BPTF: variants seen among roughly 807,000 people sequenced by gnomAD.
BPTF encodes bromodomain PHD finger transcription factor.
In BPTF, 18 loss-of-function variants were observed where a neutral mutation model predicts 292.5. That is an observed-to-expected ratio of 0.06 (90% CI 0.04 to 0.09). The LOEUF (loss-of-function observed/expected upper bound fraction) is 0.09. BPTF is among the 10% of genes least tolerant of loss of function. BPTF has a pLI of 1.00. For missense variants in BPTF, 2,726 were observed against 3,498.7 expected (o/e 0.78, Z 5.57); for synonymous variants, 1,225 against 1,251.9 (o/e 0.98, Z 0.45).
In BPTF at chr17:67,897,994, A is replaced by T. The variant is rs1411018521; in HGVS notation, c.2543+3829A>T. Among the ~76,000 whole-genome samples, 4 of 147,220 alleles carry T rather than the reference A, an allele frequency of 2.7e-5. No individual in the cohort carries two copies. In the East Asian group the frequency reaches 5.8e-4, roughly 21 times the overall value. On this transcript the variant is annotated intron_variant, in intron 7 of 27. Coordinates refer to ENST00000306378, the MANE Select transcript of BPTF (RefSeq NM_182641.4). ...ATATATTCAGGAGTAAATTTAAAGA[A>T]TAAGAAACCATGGCTGAATTGGCTT...
chr17:67,948,576 C>A (rs1598850033), intron 23 of BPTF, among the ~76,000 whole-genome samples: 1 of 152,288 alleles, frequency 6.6e-6, no homozygotes, highest in East Asian at 1.9e-4. Context: ...CTGAGAAGAG[C>A]TTTTCATGTC....
Position 67,912,771 on chromosome 17 carries a change from T to C in BPTF, c.4887T>C (p.Thr1629=). 1 of 1,613,100 alleles carries C rather than the reference T, an allele frequency of 6.2e-7. No homozygotes were observed. The highest frequency in any genetic ancestry group is 8.5e-7 in the Non-Finnish European group (1 of 1,179,118). Residue 1629 remains threonine (T), a synonymous_variant, in exon 11 of 28, where the codon ACT becomes ACC. Transcript: ENST00000306378. ...NCAKSTVTTT[T]TTVTKLSTPS... is the part of the protein sequence containing the mutation. The stretch of plus-strand genomic sequence containing the variant: ...CAAAATCCACTGTCACAACCACCAC[T>C]ACAACAGTGACCAAGCTTTCCACAC...
At chr17:67,926,429 A>C (rs1402923091) in intron 15 of BPTF, among the ~76,000 whole-genome samples, 2 of 137,702 alleles carry the variant, frequency 1.5e-5, no homozygotes, top group African/African-American at 2.8e-5. Context: ...GGTTCACGCC[A>C]TTCTCCTGCC....
At chr17:67,909,436 T>A (rs1020535885) in intron 9 of BPTF, 146 bp from the exon 10 acceptor site, 2 of 594,500 alleles carry the variant, frequency 3.4e-6, no homozygotes, top group Admixed American at 7.5e-5. Flanking sequence ...TTATACTCAA[T>A]AAGACCTTTG....
intron 18 of BPTF, among the ~76,000 whole-genome samples, chr17:67,937,518 A>T (rs770630894): frequency 6.6e-6 from 1 of 152,204 alleles, no homozygotes; most frequent in South Asian, 2.1e-4. Context: ...CACTAACAAG[A>T]TGAAATTTGG....
intron 3 of BPTF, among the ~76,000 whole-genome samples, chr17:67,873,606 A>G (rs1383925671): frequency 6.6e-6 from 1 of 152,224 alleles, no homozygotes; most frequent in South Asian, 2.1e-4. Flanking sequence ...AAATAACTAG[A>G]TATGTTATAG....
chr17:67,927,548 A>C (rs985786932), intron 15 of BPTF, among the ~76,000 whole-genome samples: 1 of 152,192 alleles, frequency 6.6e-6, no homozygotes, highest in African/African-American at 2.4e-5. Context: ...TAATAGTGTC[A>C]TTAACTATTG....
At chr17:67,913,252 A>G (rs1234625022) in intron 11 of BPTF, 65 bp downstream of exon 11, 2 of 1,489,360 alleles carry the variant, frequency 1.3e-6, no homozygotes, top group Admixed American at 2.3e-5. Context: ...TCACAAGAAT[A>G]TCTCATTTTT....
Position 67,964,302 on chromosome 17 carries a change from T to C in BPTF, c.8352T>C (p.Tyr2784=). ...LQSEAELIDE[Y]VCPQCQSTED... is the part of the protein sequence containing the mutation. ...GTGAGGCAGAGCTCATTGATGAGTATGTCTGTCCACAGTGCCAGTCAACAG... is the reference window on the plus strand; with the variant it reads ...GTGAGGCAGAGCTCATTGATGAGTACGTCTGTCCACAGTGCCAGTCAACAG... Residue 2784 remains tyrosine, a synonymous_variant, in exon 25 of 28, where the codon TAT becomes TAC. Coordinates refer to ENST00000306378, the MANE Select transcript of BPTF (RefSeq NM_182641.4). 6.2e-7 allele frequency: 1 copy of C among 1,614,218 alleles called. No homozygotes were observed. The highest frequency in any genetic ancestry group is 1.3e-5 in the African/African-American group (1 of 75,038).
intron 4 of BPTF, among the ~76,000 whole-genome samples, chr17:67,880,986 T>A (rs895922487): frequency 1.3e-5 from 2 of 151,922 alleles, no homozygotes; most frequent in African/African-American, 4.8e-5. Context: ...CACACGTATA[T>A]ATATTACATA....
intron 2 of BPTF, among the ~76,000 whole-genome samples, chr17:67,856,430 T>G (rs762590101): frequency 3.3e-5 from 5 of 152,206 alleles, no homozygotes; most frequent in Non-Finnish European, 5.9e-5. Flanking sequence ...TTCTTCTAAG[T>G]TGCTTTTTCC....
intron 13 of BPTF, 136 bp downstream of exon 13, chr17:67,920,279 G>T: frequency 1.1e-6 from 1 of 950,994 alleles, no homozygotes; most frequent in South Asian, 1.6e-5. Context: ...TTTTGAAAAT[G>T]ATATTAAAGT....
At chr17:67,883,365 A>T (rs2060546548) in intron 4 of BPTF, among the ~76,000 whole-genome samples, 1 of 152,190 alleles carries the variant, frequency 6.6e-6, no homozygotes. Context: ...ACAACTTGAT[A>T]CACAGTTCAT....
At chr17:67,885,500 G>T (rs760539856) in intron 4 of BPTF, among the ~76,000 whole-genome samples, 55 of 152,194 alleles carry the variant, frequency 3.6e-4, no homozygotes, top group Non-Finnish European at 4.3e-4. Flanking sequence ...TGAGGCGGGA[G>T]AATCTCTTGA....
At chr17:67,897,441 C>CA (rs2061529089) in intron 7 of BPTF, among the ~76,000 whole-genome samples, 1 of 150,202 alleles carries the variant, frequency 6.7e-6, no homozygotes. Context: ...TTAAAGCCTT[C>CA]ACAGGGTCAC....
At chr17:67,915,029 A>G (rs554718708) in intron 11 of BPTF, among the ~76,000 whole-genome samples, 1 of 152,338 alleles carries the variant, frequency 6.6e-6, no homozygotes, top group South Asian at 2.1e-4. Flanking sequence ...ATATTGCTAT[A>G]AAAAGCCATG....
At chr17:67,828,726 C>G (rs556548410) in intron 1 of BPTF, among the ~76,000 whole-genome samples, 2 of 152,258 alleles carry the variant, frequency 1.3e-5, no homozygotes, top group Admixed American at 1.3e-4. Flanking sequence ...CGGGGTTTCT[C>G]CGTGTTGGTC....
At chr17:67,944,671 C>T (rs1406110561) in intron 20 of BPTF, 2 of 402,792 alleles carry the variant, frequency 5.0e-6, no homozygotes, top group Non-Finnish European at 9.2e-6. Context: ...CTTGTAGGTG[C>T]TGATTCAGTC....
chr17:67,954,469 A>C lies in BPTF; in HGVS notation c.7927-5072A>C, dbSNP rs1337360947. Among the ~76,000 whole-genome samples, 13 of 152,118 alleles carry C rather than the reference A, an allele frequency of 8.5e-5. No homozygotes were observed. The South Asian group carries it at 1.9e-3, about 22-fold the overall frequency. On this transcript the variant is annotated intron_variant, in intron 23 of 27. Transcript: ENST00000306378. ...GAGCCCAGTCAACCCTTAACTTCCAACAGGGAGCCGGCTCTTATCACTGCC... is the reference window on the plus strand; with the variant it reads ...GAGCCCAGTCAACCCTTAACTTCCACCAGGGAGCCGGCTCTTATCACTGCC...
Sources: gnomAD v4.1 joint callset for allele counts (sites outside exome capture counted in the v4.1 genomes callset) on GRCh38, gnomAD v4.1.1 for gene constraint, MANE v1.5 for transcripts, NCBI Gene and HGNC (gene_info 2026-07-23, HGNC 2026-07-21) for gene names.